The following ERICH6 variants were observed in gnomAD, a reference collection of about 807,000 sequenced individuals.
The protein encoded by ERICH6 is glutamate rich 6, also known as glutamate-rich protein 6.
Under a neutral mutation model 71.0 loss-of-function variants are expected in ERICH6, and 71 were observed. The ratio of observed to expected loss-of-function variants is 1.00; its 90% confidence interval spans 0.83 to 1.22. The LOEUF (loss-of-function observed/expected upper bound fraction) is 1.22. Among genes scored for constraint, ERICH6 ranks in the 50% most tolerant of loss-of-function variants. ERICH6 has a pLI of 0.00. For synonymous variants in ERICH6, 262 were observed against 278.4 expected (o/e 0.94, Z 0.59); for missense variants, 808 against 797.2 (o/e 1.01, Z -0.16).
Position 150,680,775 on chromosome 3 carries a change from T to C in ERICH6, c.1038A>G (p.Gln346=). 1 of 1,602,280 alleles carries C rather than the reference T, an allele frequency of 6.2e-7. No homozygotes were observed. The highest frequency in any genetic ancestry group is 8.5e-7 in the Non-Finnish European group (1 of 1,176,932). The change falls in exon 8 of 14, where the codon CAA becomes CAG. Residue 346 remains glutamine (Q), a splice_region_variant and synonymous_variant. Coordinates refer to ENST00000295910, the MANE Select transcript of ERICH6 (RefSeq NM_152394.5). ...DRLKAKEKAL[Q]RKQEQRMARH... is the part of the protein sequence containing the mutation. The stretch of plus-strand genomic sequence containing the variant: ...CAGTATCGAAGTCTCAATGTTACCT[T>C]TGCAGGGCTTTTTCTTTTGCCTTGA...
At chr3:150,666,766 T>C (rs758409573) in intron 13 of ERICH6, 21 bp downstream of exon 13, 1 of 1,599,672 alleles carries the variant, frequency 6.3e-7, no homozygotes, top group Admixed American at 1.7e-5. Flanking sequence ...TGCTTTAAAC[T>C]GTTTTTAAAA....
chr3:150,688,752 G>GCTTTGAGTTGTCCCGC (rs937684263), intron 3 of ERICH6, among the ~76,000 whole-genome samples: 2 of 152,264 alleles, frequency 1.3e-5, no homozygotes, highest in Admixed American at 6.5e-5. Context: ...CCCCCTCCCG[G>GCTTTGAGTTGTCCCGC]CTTTGAGTTG....
intron 11 of ERICH6, among the ~76,000 whole-genome samples, chr3:150,670,409 GA>G (rs1249440834): frequency 6.6e-6 from 1 of 151,364 alleles, no homozygotes; most frequent in East Asian, 1.9e-4. Flanking sequence ...TTGAACCTGG[GA>G]GGCGGAGGTT....
At chr3:150,700,574 T>A (rs1436075657) in intron 2 of ERICH6, among the ~76,000 whole-genome samples, 1 of 151,584 alleles carries the variant, frequency 6.6e-6, no homozygotes, top group Admixed American at 6.6e-5. Context: ...AAGTTTATTT[T>A]ATTATTATTA....
intron 8 of ERICH6, 103 bp from the exon 9 acceptor site, chr3:150,680,641 A>G (rs1711871520): frequency 3.2e-6 from 5 of 1,573,098 alleles, no homozygotes; most frequent in Non-Finnish European, 3.5e-6. Flanking sequence ...TGTCTGTTTG[A>G]TCTGTTATTA....
intron 7 of ERICH6, 26 bp downstream of exon 7, chr3:150,682,192 C>A: frequency 6.4e-7 from 1 of 1,550,512 alleles, no homozygotes; most frequent in Non-Finnish European, 8.9e-7. Flanking sequence ...ATACTATTTC[C>A]ACAGTAAACC....
intron 3 of ERICH6, among the ~76,000 whole-genome samples, chr3:150,690,614 T>C (rs768086824): frequency 2.6e-5 from 4 of 152,210 alleles, no homozygotes; most frequent in Admixed American, 1.3e-4. Context: ...TTTTTCAAGT[T>C]TATGTAACTT....
At position 150,666,869 on chromosome 3, in the gene ERICH6, C is replaced by A; in HGVS notation, c.1646G>T (p.Arg549Leu). ...FLALNRYIGV[R>L]ILEQDKISIT... ...AGAAATCTTGTCTTGTTCTAAGATG[C>A]GGACTCCAATATAACGGTTCAAAGC... The change falls in exon 13 of 14, where the codon CGC (arginine) becomes CTC (leucine). Residue 549 changes from arginine to leucine, a missense_variant. Arg to Leu is a moderately radical substitution (Grantham distance 102). Around this residue, in one of 3 missense-constraint regions of ERICH6, gnomAD observed 736 missense variants for 712.2 expected, o/e 1.03. Coordinates refer to ENST00000295910, the MANE Select transcript of ERICH6 (RefSeq NM_152394.5). The A allele has an allele frequency of 1.2e-6, 2 of 1,614,082 alleles. No individual in the cohort carries two copies. The highest frequency in any genetic ancestry group is 1.1e-5 in the South Asian group (1 of 91,086).
intron 3 of ERICH6, among the ~76,000 whole-genome samples, chr3:150,688,203 G>T (rs1403904482): frequency 6.6e-6 from 1 of 152,204 alleles, no homozygotes; most frequent in African/African-American, 2.4e-5. Context: ...TGGATCATCT[G>T]AAAAAATTTT....
intron 13 of ERICH6, among the ~76,000 whole-genome samples, 158 bp from the exon 14 acceptor site, chr3:150,660,313 G>A (rs1427818383): frequency 5.3e-5 from 8 of 152,138 alleles, no homozygotes; most frequent in Admixed American, 3.9e-4. Context: ...ATTCTACTCT[G>A]AATGAAGAAA....
intron 1 of ERICH6, 150 bp downstream of exon 1, chr3:150,703,346 C>A: frequency 7.2e-7 from 1 of 1,397,122 alleles, no homozygotes; most frequent in Non-Finnish European, 9.3e-7. Context: ...CTGACAAGGG[C>A]GTGAGAGAGA....
chr3:150,684,905 C>T (rs1712115312), intron 6 of ERICH6, among the ~76,000 whole-genome samples: 1 of 151,652 alleles, frequency 6.6e-6, no homozygotes. Flanking sequence ...ACTTGGGAGA[C>T]AGAGGTGAGG....
chr3:150,703,893 G>A lies in ERICH6; in HGVS notation c.6C>T (p.Ala2=), dbSNP rs1713077307. 7 of 1,613,656 alleles carry A rather than the reference G, an allele frequency of 4.3e-6. No homozygotes were observed. Among genetic ancestry groups the A allele is most frequent in the Non-Finnish European group, 5.9e-6 (7 of 1,179,838 alleles). ...CGAAGCCGCTAGGCGAGCGCAAGTG[G>A]GCCATGGCTGGCGGGAGGCGGGATT... is the stretch of plus-strand genomic sequence containing the variant. M[A]HLRSPSGFGD... Residue 2 remains alanine, a synonymous_variant, in exon 1 of 14, where the codon GCC becomes GCT. Transcript: ENST00000295910.
Position 150,678,541 on chromosome 3 carries a change from T to C in ERICH6, c.1125A>G (p.Leu375=), listed in dbSNP as rs1327036105. 1.3e-6 allele frequency: 2 copies of C among 1,598,520 alleles called. No individual in the cohort carries two copies. Among genetic ancestry groups the C allele is most frequent in the South Asian group, 1.1e-5 (1 of 87,402 alleles). The stretch of plus-strand genomic sequence containing the variant: ...CAGAAAGTTGATAAGAAATTGTTTT[T>C]AAGCGCTTTGAATCTAGTGGGAAAA... ...THFSEDDSKR[L]KTISYQLSVD... The change falls in exon 10 of 14, where the codon TTA becomes TTG. Residue 375 remains leucine (L), a synonymous_variant. Transcript: ENST00000295910.
intron 2 of ERICH6, among the ~76,000 whole-genome samples, chr3:150,700,491 A>G (rs901935157): frequency 6.6e-6 from 1 of 152,014 alleles, no homozygotes; most frequent in African/African-American, 2.4e-5. Context: ...GAAAGAAGAC[A>G]ATATGGGAAC....
In ERICH6 at chr3:150,672,755, T is replaced by G. The variant is rs572379540; in HGVS notation, c.1343+1201A>C. Among the ~76,000 whole-genome samples the G allele has an allele frequency of 2.6e-5, 4 of 152,014 alleles. No individual in the cohort carries two copies. In the South Asian group the frequency reaches 8.3e-4, roughly 32 times the overall value. ...ATTTTTAAATGCTGGCCAGACACAG[T>G]GGCTCACACCTGTAATCTCAGCCAT... On this transcript the variant is annotated intron_variant, in intron 11 of 13. Coordinates refer to ENST00000295910, the MANE Select transcript of ERICH6 (RefSeq NM_152394.5).
At chr3:150,695,057 A>G (rs761217249) in intron 3 of ERICH6, among the ~76,000 whole-genome samples, 6 of 152,186 alleles carry the variant, frequency 3.9e-5, no homozygotes, top group Non-Finnish European at 4.4e-5. Context: ...CTGCATCCTC[A>G]TGACCTAATT....
chr3:150,691,792 G>A (rs1294061065), intron 3 of ERICH6, among the ~76,000 whole-genome samples: 3 of 152,006 alleles, frequency 2.0e-5, no homozygotes, highest in Non-Finnish European at 4.4e-5. Flanking sequence ...GTGAGATTGA[G>A]TTACAGAGCT....
At chr3:150,695,253 A>G (rs1221576459) in intron 3 of ERICH6, among the ~76,000 whole-genome samples, 2 of 152,244 alleles carry the variant, frequency 1.3e-5, no homozygotes, top group Admixed American at 6.5e-5. Flanking sequence ...ACAAACTACT[A>G]TGATGAATAA....
Sources: gnomAD v4.1 joint callset for allele counts (sites outside exome capture counted in the v4.1 genomes callset) on GRCh38, gnomAD v4.1.1 for gene constraint, gnomAD v4.1.1 regional missense constraint, MANE v1.5 for transcripts, NCBI Gene and HGNC (gene_info 2026-07-23, HGNC 2026-07-21) for gene names.